Variants in STYK1 observed in about 807,000 individuals in gnomAD.
STYK1 encodes the protein tyrosine-protein kinase STYK1.
A neutral mutation model predicts 48.1 loss-of-function variants in STYK1; 46 were observed. The observed-to-expected ratio is 0.96, with a 90% CI of 0.75 to 1.22. The LOEUF (loss-of-function observed/expected upper bound fraction) is 1.22. STYK1 is among the 50% of genes most tolerant of loss of function. The pLI, the probability that STYK1 is intolerant of heterozygous loss-of-function variation, is 0.00. For missense variants in STYK1, 527 were observed against 521.1 expected (o/e 1.01, Z -0.11); for synonymous variants, 188 against 189.0 (o/e 0.99, Z 0.04).
In STYK1 at chr12:10,672,182, T is replaced by C. The variant is rs1218463229; in HGVS notation, c.-195+1784A>G. On this transcript the variant is annotated intron_variant, in intron 1 of 10. Transcript: ENST00000075503. The surrounding 1 kb of genome is among the most constrained non-coding windows in gnomAD (Gnocchi z 4.0). ...GGCTTCATAACATGTTAGTTTTGGA[T>C]AGCCAGCCTACTGAACTGTGAGAAA... Among the ~76,000 whole-genome samples the C allele has an allele frequency of 6.6e-6, 1 of 152,198 alleles. No homozygotes were observed.
chr12:10,650,119 CAAAAAAAAAAAAA>C (rs71051518), intron 1 of STYK1, among the ~76,000 whole-genome samples: 17 of 51,312 alleles, frequency 3.3e-4, no homozygotes, highest in South Asian at 1.5e-3. Flanking sequence ...GACTCTGTCT[CAAAAAAAAAAAAA>C]AAAAAAAAAA....
chr12:10,629,399 C>T, intron 6 of STYK1, 94 bp downstream of exon 6: 1 of 1,312,842 alleles, frequency 7.6e-7, no homozygotes, highest in Non-Finnish European at 1.1e-6. Flanking sequence ...TATAGTGTCT[C>T]TGCATTTTGT....
chr12:10,647,080 G>A (rs1028209895), intron 1 of STYK1, among the ~76,000 whole-genome samples: 4 of 152,202 alleles, frequency 2.6e-5, no homozygotes, highest in Non-Finnish European at 5.9e-5. Flanking sequence ...ATGTGGGGTC[G>A]AGCCCCCACA....
chr12:10,661,917 T>A (rs1229752341), intron 1 of STYK1, among the ~76,000 whole-genome samples: 1 of 152,370 alleles, frequency 6.6e-6, no homozygotes, highest in East Asian at 1.9e-4. Flanking sequence ...TTTAGTGGTT[T>A]TATTATAGTC....
chr12:10,670,839 T>C, intron 1 of STYK1, among the ~76,000 whole-genome samples: 1 of 149,624 alleles, frequency 6.7e-6, no homozygotes, highest in South Asian at 2.1e-4. Context: ...GATAAATATA[T>C]ATATAATTTT....
At chr12:10,635,777 A>G (rs898842621) in intron 2 of STYK1, among the ~76,000 whole-genome samples, 3 of 152,190 alleles carry the variant, frequency 2.0e-5, no homozygotes, top group Admixed American at 6.5e-5. Context: ...TATATAATAT[A>G]ATCAGTACAT....
chr12:10,646,496 T>C (rs1169041759), intron 1 of STYK1, among the ~76,000 whole-genome samples: 1 of 152,202 alleles, frequency 6.6e-6, no homozygotes, highest in Admixed American at 6.5e-5. Context: ...AAGAGGTGAC[T>C]TGGGTGCTGT....
chr12:10,633,758 T>C (rs1947454351), intron 4 of STYK1, among the ~76,000 whole-genome samples: 1 of 152,178 alleles, frequency 6.6e-6, no homozygotes, highest in Non-Finnish European at 1.5e-5. Flanking sequence ...ACAGGTTATA[T>C]GAGGTTTTTC....
intron 1 of STYK1, among the ~76,000 whole-genome samples, chr12:10,666,787 C>T (rs950639613): frequency 6.6e-6 from 1 of 152,210 alleles, no homozygotes; most frequent in Non-Finnish European, 1.5e-5. Context: ...CCATGTAAGA[C>T]GTGCCTGCTT....
At chr12:10,656,334 G>GATGAATTGA (rs1490619587) in intron 1 of STYK1, among the ~76,000 whole-genome samples, 2 of 152,028 alleles carry the variant, frequency 1.3e-5, no homozygotes, top group African/African-American at 4.8e-5. Flanking sequence ...CATGAAAATG[G>GATGAATTGA]ATGAATACAG....
chr12:10,641,434 G>A (rs1947544018), intron 1 of STYK1, among the ~76,000 whole-genome samples: 2 of 152,196 alleles, frequency 1.3e-5, no homozygotes, highest in Admixed American at 6.5e-5. Flanking sequence ...TAAGTGAGGA[G>A]ATCTGTTTTG....
At chr12:10,634,852 AC>A (rs1267208941) in intron 2 of STYK1, among the ~76,000 whole-genome samples, 166 bp from the exon 3 acceptor site, 4 of 152,052 alleles carry the variant, frequency 2.6e-5, no homozygotes, top group Admixed American at 1.3e-4. Flanking sequence ...GGTTGGAAGA[AC>A]CCTCCCAACC....
In STYK1 at chr12:10,634,649, C is replaced by T; in HGVS notation, c.-31G>A. 13 of 1,613,788 alleles carry T rather than the reference C, an allele frequency of 8.1e-6. No homozygotes were observed. Among genetic ancestry groups the T allele is most frequent in the Non-Finnish European group, 1.1e-5 (13 of 1,179,832 alleles). On this transcript the variant is annotated 5_prime_UTR_variant, in exon 3 of 11. Transcript: ENST00000075503. ...CAGGGCTGTCCCCTTCCCTGCTAGGCCCACAGAGAATGCACACAGCACAGC... is the reference window on the plus strand; with the variant it reads ...CAGGGCTGTCCCCTTCCCTGCTAGGTCCACAGAGAATGCACACAGCACAGC...
At chr12:10,631,463 T>C (rs1006940091) in intron 4 of STYK1, among the ~76,000 whole-genome samples, 155 bp from the exon 5 acceptor site, 5 of 152,240 alleles carry the variant, frequency 3.3e-5, no homozygotes, top group African/African-American at 9.6e-5. Flanking sequence ...CCAGCATCAA[T>C]GTCAAGTTTG....
intron 7 of STYK1, among the ~76,000 whole-genome samples, chr12:10,627,355 T>A (rs1392245727): frequency 6.6e-6 from 1 of 152,210 alleles, no homozygotes; most frequent in Non-Finnish European, 1.5e-5. Context: ...GGTGTATACC[T>A]CTTGGCCCTG....
chr12:10,671,290 T>C (rs1018859842), intron 1 of STYK1, among the ~76,000 whole-genome samples: 9 of 152,186 alleles, frequency 5.9e-5, no homozygotes, highest in African/African-American at 2.2e-4. Flanking sequence ...CCACCACGCC[T>C]GGCCATGTTG....
Position 10,634,698 on chromosome 12 carries a change from G to C in STYK1, c.-68-12C>G. 6.6e-7 allele frequency: 1 copy of C among 1,520,664 alleles called. No individual in the cohort carries two copies. The highest frequency in any genetic ancestry group is 9.0e-7 in the Non-Finnish European group (1 of 1,113,968). The allele number at this position is 1,520,664 out of a possible 1,614,324, so 94.2% of individuals were successfully genotyped here. On this transcript the variant is annotated splice_polypyrimidine_tract_variant and intron_variant, in intron 2 of 10. Coordinates refer to ENST00000075503, the MANE Select transcript of STYK1 (RefSeq NM_018423.3). ...GCTGTGAGTAATTCCTAAGGATTGAGTGGTTTTTGAAAAAAATAAAATGAA... is the reference window on the plus strand; with the variant it reads ...GCTGTGAGTAATTCCTAAGGATTGACTGGTTTTTGAAAAAAATAAAATGAA...
intron 1 of STYK1, among the ~76,000 whole-genome samples, chr12:10,662,126 TG>T (rs1216174322): frequency 3.3e-5 from 5 of 152,248 alleles, no homozygotes; most frequent in African/African-American, 1.2e-4. Flanking sequence ...TGTGGACTTT[TG>T]TATCTGGCTG....
At chr12:10,645,967 C>T (rs936975259) in intron 1 of STYK1, among the ~76,000 whole-genome samples, 1 of 152,190 alleles carries the variant, frequency 6.6e-6, no homozygotes, top group African/African-American at 2.4e-5. Context: ...TGACTTGTTG[C>T]TCCTTGCCTT....
Sources: gnomAD v4.1 joint callset for allele counts (sites outside exome capture counted in the v4.1 genomes callset) on GRCh38, gnomAD v4.1.1 for gene constraint, Gnocchi (gnomAD v3.1) non-coding constraint, MANE v1.5 for transcripts, NCBI Gene and HGNC (gene_info 2026-07-23, HGNC 2026-07-21) for gene names.